The following ZNF839 variants were observed in gnomAD, a reference collection of about 807,000 sequenced individuals.
ZNF839 encodes the protein zinc finger protein 839, also known as renal carcinoma antigen NY-REN-50.
ZNF839 carries 38 observed loss-of-function variants against 56.4 expected under a neutral mutation model. That is an observed-to-expected ratio of 0.67 (90% CI 0.52 to 0.88). The LOEUF is 0.88. Ranked by LOEUF, ZNF839 falls within the 40% of genes least tolerant of loss-of-function variation. ZNF839 has a pLI of 0.00. For missense variants in ZNF839, 1,091 were observed against 1,177.6 expected, an observed-to-expected ratio of 0.93 and a Z score of 1.08; for synonymous variants, 486 against 493.5, an observed-to-expected ratio of 0.98 and a Z score of 0.20.
At position 102,325,341 on chromosome 14, in the gene ZNF839, GAA is replaced by G. The variant is rs199569682; in HGVS notation, c.289-629_289-628del. Reference sequence around the variant, plus strand: ...GTGACAGAGTGAGACCCTAATCTCAGAAAAAAAAAAAAAAAATGATGTAGAAT... The same window carrying G: ...GTGACAGAGTGAGACCCTAATCTCAGAAAAAAAAAAAAAATGATGTAGAAT... On this transcript the variant is annotated intron_variant, in intron 1 of 7. Transcript: ENST00000442396. Among the ~76,000 whole-genome samples, 54 of 104,712 alleles carry G rather than the reference GAA, an allele frequency of 5.2e-4. No homozygotes were observed. In the Middle Eastern group the frequency reaches 0.017, roughly 33 times the overall value. The allele number at this position is 104,712 out of a possible 152,430, so 68.7% of individuals were successfully genotyped here.
intron 1 of ZNF839, among the ~76,000 whole-genome samples, chr14:102,325,059 A>T (rs902022953): frequency 2.0e-5 from 3 of 152,132 alleles, no homozygotes; most frequent in Non-Finnish European, 4.4e-5. Flanking sequence ...TTAAAAAGTG[A>T]TGTAGAATAG....
At chr14:102,329,817 G>C (rs1333122415) in intron 2 of ZNF839, among the ~76,000 whole-genome samples, 2 of 106,278 alleles carry the variant, frequency 1.9e-5, no homozygotes, top group African/African-American at 7.9e-5. Flanking sequence ...TTTTTGAGAC[G>C]AAGTTTTGCT....
chr14:102,334,135 G>A (rs1459958609), intron 3 of ZNF839, among the ~76,000 whole-genome samples: 2 of 152,214 alleles, frequency 1.3e-5, no homozygotes, highest in Admixed American at 6.5e-5. Flanking sequence ...CAGCTGCCTG[G>A]AGAAGGAAAT....
At chr14:102,319,615 C>A, upstream of ZNF839, 1 of 1,119,826 alleles carries the variant, frequency 8.9e-7, no homozygotes, top group South Asian at 4.6e-5. The surrounding 1 kb of genome is among the most constrained non-coding windows in gnomAD (Gnocchi z 4.5). Context: ...TCGGCTGGGG[C>A]GGGGCACTCC....
At position 102,320,058 on chromosome 14, in the gene ZNF839, G is replaced by A; in HGVS notation, c.288+5G>A. The A allele has an allele frequency of 2.5e-6, 3 of 1,182,852 alleles. No individual in the cohort carries two copies. Among genetic ancestry groups the A allele is most frequent in the Non-Finnish European group, 3.1e-6 (3 of 956,676 alleles). The allele number at this position is 1,182,852 out of a possible 1,614,324, so 73.3% of individuals were successfully genotyped here. A position where few individuals can be genotyped will look rare whatever the true frequency, so the allele number is the denominator to read the frequency against. On this transcript the variant is annotated splice_donor_5th_base_variant and intron_variant, in intron 1 of 7. Coordinates refer to ENST00000442396, the MANE Select transcript of ZNF839 (RefSeq NM_018335.6). Reference sequence around the variant, plus strand: ...CCGCGCCTGCTCCCGCCCCAGGTGAGGCGTCGGGAGGGACGTGGGGAAACT... The same window carrying A: ...CCGCGCCTGCTCCCGCCCCAGGTGAAGCGTCGGGAGGGACGTGGGGAAACT...
intron 1 of ZNF839, 112 bp downstream of exon 1, chr14:102,320,165 G>A: frequency 9.6e-7 from 1 of 1,040,928 alleles, no homozygotes; most frequent in Non-Finnish European, 1.2e-6. Context: ...TAAGACTCAG[G>A]GCGTCCCCAG....
Position 102,335,790 on chromosome 14 carries a change from T to G in ZNF839, c.1611T>G (p.Ser537Arg), listed in dbSNP as rs574244383. ...AGAAAATGTGCCAAGATTACCTCAG[T>G]AGTTCTGGTCTGTGTTCCCAGGAGA... is the stretch of plus-strand genomic sequence containing the variant. ...MVKKMCQDYLSSSGLCSQETL... is the reference protein window; with the variant it reads ...MVKKMCQDYLRSSGLCSQETL... Residue 537 changes from serine to arginine, a missense_variant, in exon 5 of 8, where the codon AGT becomes AGG. Coordinates refer to ENST00000442396, the MANE Select transcript of ZNF839 (RefSeq NM_018335.6). The G allele has an allele frequency of 2.7e-4, 433 of 1,608,524 alleles. 5 individuals are homozygous for G. In the South Asian group the frequency reaches 4.6e-3, roughly 17 times the overall value.
Position 102,326,746 on chromosome 14 carries a change from A to T in ZNF839, c.1050A>T (p.Lys350Asn). 6.2e-7 allele frequency: 1 copy of T among 1,613,298 alleles called. No homozygotes were observed. The highest frequency in any genetic ancestry group is 8.5e-7 in the Non-Finnish European group (1 of 1,179,662). Residue 350 changes from lysine to asparagine, a missense_variant, in exon 2 of 8, where the codon AAA (lysine) becomes AAT (asparagine). Lys to Asn is a moderately conservative substitution (Grantham distance 94, BLOSUM62 0). Around this residue, in one of 3 missense-constraint regions of ZNF839, gnomAD observed 614 missense variants for 629.2 expected, o/e 0.98. Coordinates refer to ENST00000442396, the MANE Select transcript of ZNF839 (RefSeq NM_018335.6). The surrounding 1 kb of genome is among the most constrained non-coding windows in gnomAD (Gnocchi z 4.3). Reference sequence around the variant, plus strand: ...ACCCCGAGATGGTGCTGTCTGAGAAAGCCAGTGGAAGCACCCTCCGGGGGT... The same window carrying T: ...ACCCCGAGATGGTGCTGTCTGAGAATGCCAGTGGAAGCACCCTCCGGGGGT... Reference protein sequence around the residue: ...QLDPEMVLSEKASGSTLRGCT... With the variant: ...QLDPEMVLSENASGSTLRGCT...
chr14:102,339,058 C>T (rs776416425), intron 6 of ZNF839, 36 bp from the exon 7 acceptor site: 20 of 1,613,554 alleles, frequency 1.2e-5, no homozygotes, highest in Non-Finnish European at 1.6e-5. Context: ...TTGCCTATTC[C>T]TTCCTATTCT....
chr14:102,326,359 A>T lies in ZNF839; in HGVS notation c.663A>T (p.Ser221=). Reference sequence around the variant, plus strand: ...ACCCGCTGGCAGTAACATCTCTTTCATCCAGTTCAGCACATCCATTTATTT... The same window carrying T: ...ACCCGCTGGCAGTAACATCTCTTTCTTCCAGTTCAGCACATCCATTTATTT... ...ASDPLAVTSL[S]SSSAHPFISN... is the part of the protein sequence containing the mutation. The change falls in exon 2 of 8, where the codon TCA becomes TCT. Residue 221 remains serine (S), a synonymous_variant. Transcript: ENST00000442396. This position sits in a 1 kb window ranked among gnomAD's most constrained non-coding sequence, Gnocchi z 4.3. 1 of 1,610,298 alleles carries T rather than the reference A, an allele frequency of 6.2e-7. No individual in the cohort carries two copies. Among genetic ancestry groups the T allele is most frequent in the Non-Finnish European group, 8.5e-7 (1 of 1,178,026 alleles).
intron 4 of ZNF839, 69 bp from the exon 5 acceptor site, chr14:102,335,619 AT>A: frequency 6.8e-7 from 1 of 1,476,298 alleles, no homozygotes; most frequent in Non-Finnish European, 9.0e-7. Flanking sequence ...CTTTGTTTAG[AT>A]TTTCTTCTGT....
At chr14:102,339,698 G>A (rs1197499977) in intron 7 of ZNF839, among the ~76,000 whole-genome samples, 2 of 151,748 alleles carry the variant, frequency 1.3e-5, no homozygotes, top group Non-Finnish European at 2.9e-5. Flanking sequence ...GCAGTGAGCC[G>A]AGATTGCACC....
intron 2 of ZNF839, among the ~76,000 whole-genome samples, chr14:102,329,327 C>A (rs2073649678): frequency 6.6e-6 from 1 of 152,032 alleles, no homozygotes; most frequent in African/African-American, 2.4e-5. Flanking sequence ...GAATTATTTT[C>A]TTTATTTTCT....
chr14:102,331,938 C>A, intron 3 of ZNF839, 92 bp downstream of exon 3: 1 of 1,041,580 alleles, frequency 9.6e-7, no homozygotes, highest in Non-Finnish European at 1.4e-6. Flanking sequence ...AAGCAGTTCA[C>A]CTGAAATGTC....
At chr14:102,318,575 G>A (rs554006916), upstream of ZNF839, among the ~76,000 whole-genome samples, 22 of 151,882 alleles carry the variant, frequency 1.4e-4, no homozygotes, top group Admixed American at 1.2e-3. Context: ...GGAGGTTGCG[G>A]TGAGCTGAGA....
At chr14:102,340,517 C>T (rs1886395708) in intron 7 of ZNF839, among the ~76,000 whole-genome samples, 1 of 152,080 alleles carries the variant, frequency 6.6e-6, no homozygotes, top group Non-Finnish European at 1.5e-5. Flanking sequence ...AATGATCTGC[C>T]CGCCTCAGCC....
Position 102,326,899 on chromosome 14 carries a change from G to T in ZNF839, c.1191+12G>T. Reference sequence around the variant, plus strand: ...GCGGTGGCCTGCAGGTAATGTTTCTGTCTGGGTATGTGTCTTTTTATTTGG... The same window carrying T: ...GCGGTGGCCTGCAGGTAATGTTTCTTTCTGGGTATGTGTCTTTTTATTTGG... On this transcript the variant is annotated intron_variant, in intron 2 of 7. Transcript: ENST00000442396. This position sits in a 1 kb window ranked among gnomAD's most constrained non-coding sequence, Gnocchi z 4.3. 6.3e-7 allele frequency: 1 copy of T among 1,578,976 alleles called. No homozygotes were observed. The highest frequency in any genetic ancestry group is 1.8e-5 in the Admixed American group (1 of 54,902).
At chr14:102,320,649 C>T (rs1253637612) in intron 1 of ZNF839, among the ~76,000 whole-genome samples, 2 of 152,202 alleles carry the variant, frequency 1.3e-5, no homozygotes, top group Non-Finnish European at 2.9e-5. Flanking sequence ...GACTTAACAT[C>T]CTGGGTGATA....
chr14:102,322,970 A>G (rs1401043845), intron 1 of ZNF839, among the ~76,000 whole-genome samples: 1 of 152,214 alleles, frequency 6.6e-6, no homozygotes, highest in Non-Finnish European at 1.5e-5. Flanking sequence ...ACCTCTCTAC[A>G]ATTCTTCATA....
Sources: gnomAD v4.1 joint callset for allele counts (sites outside exome capture counted in the v4.1 genomes callset) on GRCh38, gnomAD v4.1.1 for gene constraint, gnomAD v4.1.1 regional missense constraint, Gnocchi (gnomAD v3.1) non-coding constraint, MANE v1.5 for transcripts, NCBI Gene and HGNC (gene_info 2026-07-23, HGNC 2026-07-21) for gene names.